The following SLC25A18 variants were observed in gnomAD, a reference collection of about 807,000 sequenced individuals.
SLC25A18 encodes mitochondrial glutamate carrier 2.
In SLC25A18, 24 loss-of-function variants were observed where a neutral mutation model predicts 31.1. The observed-to-expected ratio is 0.77, with a 90% CI of 0.56 to 1.08. SLC25A18 has a LOEUF of 1.08. SLC25A18 is among the 50% of genes least tolerant of loss of function. SLC25A18 has a pLI of 0.00. For synonymous variants in SLC25A18, 173 were observed against 161.9 expected, an observed-to-expected ratio of 1.07 and a Z score of -0.52; for missense variants, 371 against 418.5, an observed-to-expected ratio of 0.89 and a Z score of 0.99.
At chr22:17,573,762 A>G (rs142862150) in intron 2 of SLC25A18, among the ~76,000 whole-genome samples, 1 of 152,214 alleles carries the variant, frequency 6.6e-6, no homozygotes, top group East Asian at 1.9e-4. Flanking sequence ...GACAGTCACC[A>G]AGGCTCTCTA....
chr22:17,583,584 A>G, intron 7 of SLC25A18, 50 bp downstream of exon 7: 1 of 1,591,982 alleles, frequency 6.3e-7, no homozygotes, highest in African/African-American at 1.3e-5. Flanking sequence ...CTGGGATTGG[A>G]ACCAGGCACA....
intron 4 of SLC25A18, 21 bp from the exon 5 acceptor site, chr22:17,581,337 T>C (rs957175310): frequency 6.2e-7 from 1 of 1,613,856 alleles, no homozygotes; most frequent in Non-Finnish European, 8.5e-7. Flanking sequence ...CACTTACTCC[T>C]ACTCTGGCCT....
At chr22:17,584,341 G>C (rs1290297622) in intron 7 of SLC25A18, among the ~76,000 whole-genome samples, 1 of 147,938 alleles carries the variant, frequency 6.8e-6, no homozygotes, top group African/African-American at 2.5e-5. Context: ...TGCAGTGAGT[G>C]GAGCTTGCGC....
intron 2 of SLC25A18, among the ~76,000 whole-genome samples, chr22:17,572,939 C>T (rs1178474861): frequency 1.3e-5 from 2 of 152,086 alleles, no homozygotes; most frequent in South Asian, 2.1e-4. Flanking sequence ...TGGCGCCCAG[C>T]CCTCTACAAA....
Position 17,590,423 on chromosome 22 carries a change from G to A in SLC25A18, c.*187G>A. 1.6e-6 allele frequency: 1 copy of A among 621,986 alleles called. No homozygotes were observed. Among genetic ancestry groups the A allele is most frequent in the Non-Finnish European group, 2.6e-6 (1 of 383,840 alleles). The allele number at this position is 621,986 out of a possible 1,614,324, so 38.5% of individuals were successfully genotyped here. On this transcript the variant is annotated 3_prime_UTR_variant, in exon 11 of 11. Transcript: ENST00000327451. ...TGAGCACAGCCTTCTTCCCCTTCGTGTCTACACTCGTTTTCCTTTGTGGGC... is the reference window on the plus strand; with the variant it reads ...TGAGCACAGCCTTCTTCCCCTTCGTATCTACACTCGTTTTCCTTTGTGGGC...
intron 2 of SLC25A18, among the ~76,000 whole-genome samples, chr22:17,574,525 T>G (rs866598184): frequency 5.0e-4 from 56 of 111,450 alleles, no homozygotes; most frequent in African/African-American, 1.5e-3. Flanking sequence ...TTTTTTTTAT[T>G]TTTTTTTTTG....
Position 17,579,784 on chromosome 22 carries a change from GA to G in SLC25A18, c.-159del. ...GCCCAAGGAGGTCGTCACTTGCCGG[GA>G]AGGTGGCTCGGGCCAGGCTGCACTC... On this transcript the variant is annotated 5_prime_UTR_variant, in exon 3 of 11. Coordinates refer to ENST00000327451, the MANE Select transcript of SLC25A18 (RefSeq NM_031481.3). 7.1e-7 allele frequency: 1 copy of G among 1,407,982 alleles called. No individual in the cohort carries two copies. Among genetic ancestry groups the G allele is most frequent in the Non-Finnish European group, 9.3e-7 (1 of 1,079,654 alleles). 87.2% of individuals were successfully genotyped at this position (1,407,982 alleles called of 1,614,324 possible).
At chr22:17,565,302 C>T (rs1186027274) in intron 1 of SLC25A18, among the ~76,000 whole-genome samples, 4 of 151,972 alleles carry the variant, frequency 2.6e-5, no homozygotes, top group African/African-American at 9.7e-5. Flanking sequence ...AGGATGGTCT[C>T]GATCTCCTGA....
chr22:17,580,153 T>C (rs371944569), intron 3 of SLC25A18, 189 bp downstream of exon 3: 2 of 528,500 alleles, frequency 3.8e-6, no homozygotes, highest in Non-Finnish European at 6.6e-6. Context: ...TGTGCACATA[T>C]ATGTTATTGT....
At position 17,582,657 on chromosome 22, in the gene SLC25A18, TG is replaced by T; in HGVS notation, c.290+6del. The T allele has an allele frequency of 1.3e-6, 2 of 1,597,380 alleles. No individual in the cohort carries two copies. Among genetic ancestry groups the T allele is most frequent in the South Asian group, 1.1e-5 (1 of 88,326 alleles). ...GGCGGCTGCTCATGGAAGATGGGTA[TG>T]GCCAGGTGGGGTGGGGTTGGATCCT... On this transcript the variant is annotated splice_donor_5th_base_variant and intron_variant, in intron 6 of 10. Transcript: ENST00000327451.
intron 7 of SLC25A18, among the ~76,000 whole-genome samples, chr22:17,584,399 A>AAAAGAAAG (rs1187381986): frequency 1.4e-4 from 16 of 110,812 alleles, no homozygotes; most frequent in African/African-American, 3.8e-4. Flanking sequence ...TCTCAAAAAG[A>AAAAGAAAG]AAAGAAAGAA....
intron 2 of SLC25A18, among the ~76,000 whole-genome samples, chr22:17,576,125 G>A (rs577007371): frequency 3.3e-5 from 5 of 152,192 alleles, no homozygotes; most frequent in South Asian, 2.1e-4. Context: ...AGGCTGAGGC[G>A]GGCAGATCAG....
At position 17,590,872 on chromosome 22, in the gene SLC25A18, G is replaced by A. The variant is rs1207575248; in HGVS notation, c.*636G>A. ...AACCAAGGAACACTCTGAAATAAAG[G>A]TGAATGGCTAAAATCTCATCTGTTC... is the stretch of plus-strand genomic sequence containing the variant. On this transcript the variant is annotated 3_prime_UTR_variant, in exon 11 of 11. Coordinates refer to ENST00000327451, the MANE Select transcript of SLC25A18 (RefSeq NM_031481.3). 1 of 152,428 alleles carries A rather than the reference G, an allele frequency of 6.6e-6. No individual in the cohort carries two copies. Among genetic ancestry groups the A allele is most frequent in the Non-Finnish European group, 1.5e-5 (1 of 68,190 alleles). 9.4% of individuals were successfully genotyped at this position (152,428 alleles called of 1,614,324 possible). A position where few individuals can be genotyped will look rare whatever the true frequency, so the allele number is the denominator to read the frequency against.
At chr22:17,584,781 CAAAA>C (rs66948770) in intron 7 of SLC25A18, among the ~76,000 whole-genome samples, 4 of 20,068 alleles carry the variant, frequency 2.0e-4, no homozygotes, top group Admixed American at 6.6e-4. Context: ...GAATTCATCT[CAAAA>C]AAAAAAAAAA....
Position 17,590,170 on chromosome 22 carries a change from CTT to C in SLC25A18, c.884_885del (p.Phe295TrpfsTer20). ...GCCGGGCACTGGTCATAGCACCTCT[CTT>C]TGGGATTGCTCAAGGGGTCTATTTT... ...GCRALVIAPLFGIAQGVYFIG... is the reference protein window; with the variant it reads ...GCRALVIAPLXGIAQGVYFIG... On this transcript the variant is annotated frameshift_variant, in exon 11 of 11. Transcript: ENST00000327451. LOFTEE classifies it high-confidence loss of function. 5 of 1,614,238 alleles carry C rather than the reference CTT, an allele frequency of 3.1e-6. No homozygotes were observed. The highest frequency in any genetic ancestry group is 4.2e-6 in the Non-Finnish European group (5 of 1,180,046).
Position 17,589,652 on chromosome 22 carries a change from A to G in SLC25A18, c.793A>G (p.Thr265Ala). The G allele has an allele frequency of 6.2e-7, 1 of 1,614,086 alleles. No individual in the cohort carries two copies. The highest frequency in any genetic ancestry group is 8.5e-7 in the Non-Finnish European group (1 of 1,179,960). ...GLGEDMYSGITDCARKLWIQE... is the reference protein window; with the variant it reads ...GLGEDMYSGIADCARKLWIQE... ...GGGCGAGGACATGTACAGTGGGATC[A>G]CCGACTGTGCCAGGTGAGAGCCAGT... The change falls in exon 10 of 11, where the codon ACC (threonine) becomes GCC (alanine). Residue 265 changes from threonine (T) to alanine (A), a missense_variant. Transcript: ENST00000327451.
At position 17,587,817 on chromosome 22, in the gene SLC25A18, G is replaced by C. The variant is rs968420002; in HGVS notation, c.576-108G>C. ...ACAAAAGAAGGGATGAGTCCCCGTGGCTCCTCTCACTGTAAGCCCCACAGC... is the reference window on the plus strand; with the variant it reads ...ACAAAAGAAGGGATGAGTCCCCGTGCCTCCTCTCACTGTAAGCCCCACAGC... On this transcript the variant is annotated intron_variant, in intron 8 of 10. Coordinates refer to ENST00000327451, the MANE Select transcript of SLC25A18 (RefSeq NM_031481.3). 7 of 1,386,786 alleles carry C rather than the reference G, an allele frequency of 5.0e-6. No homozygotes were observed. In the Admixed American group the frequency reaches 1.4e-4, roughly 28 times the overall value. 85.9% of individuals were successfully genotyped at this position (1,386,786 alleles called of 1,614,324 possible).
At chr22:17,574,147 T>C (rs2057166957) in intron 2 of SLC25A18, among the ~76,000 whole-genome samples, 1 of 152,154 alleles carries the variant, frequency 6.6e-6, no homozygotes, top group Admixed American at 6.5e-5. Context: ...GGTGGGAGGA[T>C]CGCTTGAGCC....
chr22:17,588,056 C>T lies in SLC25A18; in HGVS notation c.707C>T (p.Ala236Val), dbSNP rs759018190. ...VSGCVAGSIA[A>V]VAVTPLDVLK... is the part of the protein sequence containing the mutation. ...GGCTGTGTGGCAGGTTCCATAGCTG[C>T]GGTCGCAGTGACGCCTCTAGATGGT... The change falls in exon 9 of 11, where the codon GCG (alanine) becomes GTG (valine). Residue 236 changes from alanine (A) to valine (V), a missense_variant. By Grantham distance (64) the Ala-to-Val change is moderately conservative. Transcript: ENST00000327451. 1.4e-5 allele frequency: 22 copies of T among 1,614,062 alleles called. No homozygotes were observed. The highest frequency in any genetic ancestry group is 5.3e-5 in the African/African-American group (4 of 74,934).
Sources: gnomAD v4.1 joint callset for allele counts (sites outside exome capture counted in the v4.1 genomes callset) on GRCh38, gnomAD v4.1.1 for gene constraint, MANE v1.5 for transcripts, NCBI Gene and HGNC (gene_info 2026-07-23, HGNC 2026-07-21) for gene names.